The following STAB1 variants were observed in gnomAD, a reference collection of about 807,000 sequenced individuals.
The protein encoded by STAB1 is stabilin-1.
Under a neutral mutation model 332.4 loss-of-function variants are expected in STAB1, and 250 were observed. The observed-to-expected ratio is 0.75, with a 90% CI of 0.68 to 0.84. The LOEUF (loss-of-function observed/expected upper bound fraction) is 0.84, where lower values mean the gene tolerates loss of function less well. STAB1 is among the 40% of genes least tolerant of loss of function. STAB1 has a pLI of 0.00. For missense variants in STAB1, 3,249 were observed against 3,489.7 expected (o/e 0.93, Z 1.74); for synonymous variants, 1,475 against 1,390.4 (o/e 1.06, Z -1.35).
At chr3:52,498,699 A>G (rs1393121466) in intron 1 of STAB1, among the ~76,000 whole-genome samples, 1 of 152,226 alleles carries the variant, frequency 6.6e-6, no homozygotes, top group African/African-American at 2.4e-5. Flanking sequence ...GAGCTGGTCC[A>G]CAGCCAGAAT....
At chr3:52,515,621 G>A in intron 37 of STAB1, 115 bp downstream of exon 37, 1 of 1,116,044 alleles carries the variant, frequency 9.0e-7, no homozygotes, top group Non-Finnish European at 1.3e-6. Flanking sequence ...GCTGGGACTA[G>A]GGTGAGGCCA....
At chr3:52,519,236 C>T (rs1039091079) in intron 48 of STAB1, 28 bp from the exon 49 acceptor site, 2 of 1,600,608 alleles carry the variant, frequency 1.2e-6, no homozygotes, top group East Asian at 2.2e-5. Context: ...CACCTATCTG[C>T]TTCATCAGCC....
At position 52,524,189 on chromosome 3, in the gene STAB1, C is replaced by A; in HGVS notation, c.7632C>A (p.Ser2544Arg). 1.2e-6 allele frequency: 2 copies of A among 1,614,100 alleles called. No homozygotes were observed. Among genetic ancestry groups the A allele is most frequent in the Non-Finnish European group, 1.7e-6 (2 of 1,180,026 alleles). The change falls in exon 68 of 69, where the codon AGC becomes AGA. Residue 2544 changes from serine (S) to arginine (R), a missense_variant. By Grantham distance (110) the Ser-to-Arg change is moderately radical. Transcript: ENST00000321725. ...LVSVPNPVFGSDTFCEPFDDS... is the reference protein window; with the variant it reads ...LVSVPNPVFGRDTFCEPFDDS... ...CTGTCCCCAACCCTGTCTTTGGCAG[C>A]GACACCTTTTGTGAACCCTTCGATG...
At chr3:52,521,256 C>A in intron 55 of STAB1, 105 bp from the exon 56 acceptor site, 4 of 1,496,736 alleles carry the variant, frequency 2.7e-6, no homozygotes, top group Non-Finnish European at 2.7e-6. Flanking sequence ...TAGCAGTGGG[C>A]GGACATAGGT....
In STAB1 at chr3:52,524,418, G is replaced by T. The variant is rs985181733; in HGVS notation, c.*62G>T. 3.1e-6 allele frequency: 5 copies of T among 1,612,016 alleles called. No homozygotes were observed. In the African/African-American group the frequency reaches 6.7e-5, roughly 22 times the overall value. On this transcript the variant is annotated 3_prime_UTR_variant, in exon 69 of 69. Transcript: ENST00000321725. ...GGAGACCACTTTTATTGCTTGTCTG[G>T]GTGGATGGGGCAGGAGGGGCTGAGG...
At chr3:52,503,227 G>T (rs1708583229) in intron 7 of STAB1, 117 bp from the exon 8 acceptor site, 7 of 1,493,468 alleles carry the variant, frequency 4.7e-6, no homozygotes, top group Non-Finnish European at 6.4e-6. Context: ...TTCCTAAGGG[G>T]AGCCTATCCT....
chr3:52,501,125 T>G (rs1300785710), intron 1 of STAB1, 41 bp from the exon 2 acceptor site: 2 of 1,599,512 alleles, frequency 1.3e-6, no homozygotes, highest in Non-Finnish European at 1.7e-6. Context: ...GGACTGGGCG[T>G]GGGGTCCAGG....
Position 52,515,048 on chromosome 3 carries a change from G to C in STAB1, c.3864+3G>C. On this transcript the variant is annotated splice_donor_region_variant and intron_variant, in intron 36 of 68. Transcript: ENST00000321725. The stretch of plus-strand genomic sequence containing the variant: ...GCACTCAGGGCTTCCAGCTGCAGGT[G>C]AGACTGGGCTTAGCGCAGCTCTGTC... 4 of 1,613,404 alleles carry C rather than the reference G, an allele frequency of 2.5e-6. No homozygotes were observed. The highest frequency in any genetic ancestry group is 3.4e-6 in the Non-Finnish European group (4 of 1,179,970).
At position 52,517,075 on chromosome 3, in the gene STAB1, G is replaced by A. The variant is rs752255025; in HGVS notation, c.4455G>A (p.Gln1485=). The A allele has an allele frequency of 6.3e-7, 1 of 1,589,968 alleles. No individual in the cohort carries two copies. Among genetic ancestry groups the A allele is most frequent in the East Asian group, 2.2e-5 (1 of 44,560 alleles). Residue 1485 remains glutamine, a synonymous_variant, in exon 42 of 69, where the codon CAG becomes CAA. Transcript: ENST00000321725. ...CTGGGCAGCGGACATGCACCTGCCA[G>A]GATGGCTACATGGGCGACGGGGAGC... ...VAPGQRTCTC[Q]DGYMGDGELC...
rs868387155 is a variant in STAB1 at position 52,514,441 on chromosome 3, G to A, written c.3623G>A (p.Arg1208His). 21 of 1,556,040 alleles carry A rather than the reference G, an allele frequency of 1.3e-5. No individual in the cohort carries two copies. Among genetic ancestry groups the A allele is most frequent in the East Asian group, 9.0e-5 (4 of 44,348 alleles). Residue 1208 changes from arginine to histidine, a missense_variant, in exon 34 of 69, where the codon CGC (arginine) becomes CAC (histidine). Physicochemically the swap from Arg to His is conservative, Grantham distance 29. Transcript: ENST00000321725. ...GAAACCCTGCGGAAGGGTGGACACC[G>A]CAACTCCCTCCTGGGCCCTGCCCAC... ...SMETLRKGGH[R>H]NSLLGPAHWI...
rs755718770 is a variant in STAB1, at chr3:52,502,664, G to A, written c.520G>A (p.Gly174Arg). 1 of 1,613,808 alleles carries A rather than the reference G, an allele frequency of 6.2e-7. No homozygotes were observed. Among genetic ancestry groups the A allele is most frequent in the Non-Finnish European group, 8.5e-7 (1 of 1,179,896 alleles). Reference sequence around the variant, plus strand: ...CTGTGTGCACGGAGTGTGCAACCATGGGCCACGTGGGGATGGAAGCTGCCT... The same window carrying A: ...CTGTGTGCACGGAGTGTGCAACCATAGGCCACGTGGGGATGGAAGCTGCCT... ...CSCVHGVCNH[G>R]PRGDGSCLCF... The change falls in exon 6 of 69, where the codon GGG becomes AGG. Residue 174 changes from glycine to arginine, a missense_variant. Transcript: ENST00000321725.
At chr3:52,497,407 C>CTTTTT (rs1200611448) in intron 1 of STAB1, among the ~76,000 whole-genome samples, 33 of 111,762 alleles carry the variant, frequency 3.0e-4, no homozygotes, top group Non-Finnish European at 4.0e-4. Flanking sequence ...AATTCGATGC[C>CTTTTT]TTTTTTTTTT....
In STAB1 at chr3:52,506,836, C is replaced by T; in HGVS notation, c.1975C>T (p.His659Tyr). The change falls in exon 18 of 69, where the codon CAC becomes TAC. Residue 659 changes from histidine to tyrosine, a missense_variant. His to Tyr is a moderately conservative substitution (Grantham distance 83). Transcript: ENST00000321725. Reference protein sequence around the residue: ...ILPKHCSEEQHKIVAGSCVDC... With the variant: ...ILPKHCSEEQYKIVAGSCVDC... ...GCCCAAGCACTGCAGCGAGGAGCAG[C>T]ACAAGATTGTGGCGGTGAGCCTCGC... 6.2e-7 allele frequency: 1 copy of T among 1,613,020 alleles called. No homozygotes were observed. Among genetic ancestry groups the T allele is most frequent in the Non-Finnish European group, 8.5e-7 (1 of 1,179,908 alleles).
Position 52,524,171 on chromosome 3 carries a change from C to T in STAB1, c.7614C>T (p.Pro2538=), listed in dbSNP as rs543233681. ...CCAACCCCACCCTGGTCTCTGTCCC[C>T]AACCCTGTCTTTGGCAGCGACACCT... ...EGTNPTLVSV[P]NPVFGSDTFC... is the part of the protein sequence containing the mutation. Residue 2538 remains proline (P), a synonymous_variant, in exon 68 of 69, where the codon CCC becomes CCT. Transcript: ENST00000321725. 1.1e-4 allele frequency: 175 copies of T among 1,614,112 alleles called. 1 individual carries two copies. The South Asian group carries it at 1.6e-3, about 15-fold the overall frequency.
rs753010583 is a variant in STAB1 at position 52,516,649 on chromosome 3, A to G, written c.4287-43A>G. 1.9e-6 allele frequency: 3 copies of G among 1,612,308 alleles called. No homozygotes were observed. The Admixed American group carries it at 5.0e-5, about 27-fold the overall frequency. ...CGGGGAGCCTGGGGGTCAAGGCACGACTGGACAGGCATGGGCTAAGCTGCT... is the reference window on the plus strand; with the variant it reads ...CGGGGAGCCTGGGGGTCAAGGCACGGCTGGACAGGCATGGGCTAAGCTGCT... On this transcript the variant is annotated intron_variant, in intron 40 of 68. Transcript: ENST00000321725.
intron 52 of STAB1, 38 bp from the exon 53 acceptor site, chr3:52,520,361 AC>A: frequency 1.9e-6 from 3 of 1,612,756 alleles, no homozygotes; most frequent in Non-Finnish European, 2.5e-6. Flanking sequence ...GCTGGAGTGC[AC>A]CTGCGACCCT....
chr3:52,520,484 C>T lies in STAB1; in HGVS notation c.5584C>T (p.Gln1862Ter). 1.2e-6 allele frequency: 2 copies of T among 1,612,716 alleles called. No individual in the cohort carries two copies. The highest frequency in any genetic ancestry group is 1.7e-6 in the Non-Finnish European group (2 of 1,179,914). The change falls in exon 53 of 69, where the codon CAG becomes TAG. Residue 1862 changes from glutamine (Q) to a stop codon, truncating the protein, a stop_gained. Coordinates refer to ENST00000321725, the MANE Select transcript of STAB1 (RefSeq NM_015136.3). LOFTEE classifies it high-confidence loss of function. ...FEGGLAYGID[Q>*]LLEPPGLGAR... ...GGGTGGCCTGGCCTATGGCATCGAC[C>T]AGCTGCTGGAGCCACCTGGCCTTGG...
At position 52,524,147 on chromosome 3, in the gene STAB1, C is replaced by T. The variant is rs1406773956; in HGVS notation, c.7590C>T (p.Thr2530=). The change falls in exon 68 of 69, where the codon ACC becomes ACT. Residue 2530 remains threonine (T), a synonymous_variant. Coordinates refer to ENST00000321725, the MANE Select transcript of STAB1 (RefSeq NM_015136.3). ...ACTTCTCACCGTGGCAAGAAGGGACCAACCCCACCCTGGTCTCTGTCCCCA... is the reference window on the plus strand; with the variant it reads ...ACTTCTCACCGTGGCAAGAAGGGACTAACCCCACCCTGGTCTCTGTCCCCA... ...DDDFSPWQEG[T]NPTLVSVPNP... 1.2e-6 allele frequency: 2 copies of T among 1,614,004 alleles called. No homozygotes were observed.
chr3:52,509,784 T>C, intron 22 of STAB1, 86 bp from the exon 23 acceptor site: 1 of 1,475,088 alleles, frequency 6.8e-7, no homozygotes, highest in South Asian at 1.2e-5. Flanking sequence ...GCTGCCCCAC[T>C]CCCTATATCC....
Sources: allele counts gnomAD v4.1 joint callset (sites outside exome capture counted in the v4.1 genomes callset), GRCh38; gene constraint gnomAD v4.1.1; transcripts MANE v1.5; gene names NCBI Gene and HGNC (gene_info 2026-07-23, HGNC 2026-07-21).